The following IARS1 variants were observed in gnomAD, a reference collection of about 807,000 sequenced individuals.
IARS1 encodes isoleucine--tRNA ligase, cytoplasmic.
In IARS1, 124 loss-of-function variants were observed where a neutral mutation model predicts 168.2. That is an observed-to-expected ratio of 0.74 (90% CI 0.64 to 0.86). IARS1 has a LOEUF of 0.86. Ranked by LOEUF, IARS1 falls within the 40% of genes least tolerant of loss-of-function variation. IARS1 has a pLI of 0.00. For missense variants in IARS1, 1,452 were observed against 1,515.8 expected, an observed-to-expected ratio of 0.96 and a Z score of 0.70; for synonymous variants, 532 against 529.4, an observed-to-expected ratio of 1.00 and a Z score of -0.07.
intron 27 of IARS1, 77 bp downstream of exon 27, chr9:92,244,882 A>G: frequency 1.7e-6 from 2 of 1,165,192 alleles, no homozygotes; most frequent in Non-Finnish European, 2.5e-6. Context: ...CATTATCAGG[A>G]AAGGCACAGG....
At chr9:92,283,768 T>C (rs1835010440) in intron 6 of IARS1, among the ~76,000 whole-genome samples, 1 of 152,224 alleles carries the variant, frequency 6.6e-6, no homozygotes, top group African/African-American at 2.4e-5. Context: ...TGGTAGATCC[T>C]GATTTAAAAA....
At chr9:92,268,604 C>T (rs1329581954) in intron 13 of IARS1, among the ~76,000 whole-genome samples, 1 of 152,190 alleles carries the variant, frequency 6.6e-6, no homozygotes, top group East Asian at 1.9e-4. Flanking sequence ...CCAGCCTCAT[C>T]CCATACAACT....
At chr9:92,228,047 T>C (rs962009779) in intron 31 of IARS1, among the ~76,000 whole-genome samples, 15 of 152,102 alleles carry the variant, frequency 9.9e-5, no homozygotes, top group South Asian at 2.1e-4. Context: ...CTGGGCACCA[T>C]TGAGCACTGA....
intron 17 of IARS1, among the ~76,000 whole-genome samples, chr9:92,261,253 G>A (rs755926378): frequency 2.6e-5 from 4 of 151,958 alleles, no homozygotes; most frequent in Non-Finnish European, 5.9e-5. Context: ...AGGCTGCAGT[G>A]AGCCGAGATC....
chr9:92,245,967 G>A (rs990431284), intron 26 of IARS1, among the ~76,000 whole-genome samples: 4 of 151,820 alleles, frequency 2.6e-5, no homozygotes, highest in African/African-American at 4.8e-5. Context: ...TAGCAGAGAC[G>A]GGGTTTCACC....
At position 92,241,161 on chromosome 9, in the gene IARS1, A is replaced by G. The variant is rs569245699; in HGVS notation, c.3178-200T>C. 2.8e-4 allele frequency among the ~76,000 whole-genome samples: 42 copies of G among 152,334 alleles called. 1 individual carries two copies. The South Asian group carries it at 6.2e-3, about 23-fold the overall frequency. ...CTTCTTATCCTGGTTTCTTAAAAAT[A>G]TATGCTCACTTAAAAAAAGTCAAAT... is the stretch of plus-strand genomic sequence containing the variant. On this transcript the variant is annotated intron_variant, in intron 29 of 33. Transcript: ENST00000443024.
At position 92,224,890 on chromosome 9, in the gene IARS1, G is replaced by A. The variant is rs990036336; in HGVS notation, c.3410-1401C>T. Among the ~76,000 whole-genome samples the A allele has an allele frequency of 2.0e-4, 30 of 151,970 alleles. No individual in the cohort carries two copies. The East Asian group carries it at 5.0e-3, about 25-fold the overall frequency. On this transcript the variant is annotated intron_variant, in intron 31 of 33. Transcript: ENST00000443024. Reference sequence around the variant, plus strand: ...ATCAGTGGACATGTTCTATTCTGCCGCCAGCCACTCCTGCCCTTGCCCAAT... The same window carrying A: ...ATCAGTGGACATGTTCTATTCTGCCACCAGCCACTCCTGCCCTTGCCCAAT...
At chr9:92,217,341 C>A (rs1317231390) in intron 33 of IARS1, among the ~76,000 whole-genome samples, 2 of 143,060 alleles carry the variant, frequency 1.4e-5, no homozygotes, top group East Asian at 4.0e-4. Context: ...AAAATTGACA[C>A]CCTAACATCA....
At chr9:92,256,886 A>G in intron 19 of IARS1, 86 bp from the exon 20 acceptor site, 3 of 1,309,806 alleles carry the variant, frequency 2.3e-6, no homozygotes, top group Non-Finnish European at 3.1e-6. Context: ...ACTTAAACAA[A>G]AACAAAAAGA....
chr9:92,255,667 A>C (rs1460660818), intron 20 of IARS1, among the ~76,000 whole-genome samples: 1 of 152,234 alleles, frequency 6.6e-6, no homozygotes, highest in African/African-American at 2.4e-5. Flanking sequence ...TAAATGCATT[A>C]ATAACAAGTA....
At chr9:92,231,887 G>A (rs1046967079) in intron 30 of IARS1, among the ~76,000 whole-genome samples, 2 of 151,908 alleles carry the variant, frequency 1.3e-5, no homozygotes, top group Non-Finnish European at 2.9e-5. Context: ...ATGTGACTTG[G>A]GTAAGAATAT....
Position 92,289,340 on chromosome 9 carries a change from CAATT to C in IARS1, c.76_79del (p.Asn26ValfsTer6). 2.5e-6 allele frequency: 4 copies of C among 1,579,014 alleles called. No individual in the cohort carries two copies. The highest frequency in any genetic ancestry group is 3.5e-6 in the Non-Finnish European group (4 of 1,151,984). On this transcript the variant is annotated frameshift_variant, in exon 2 of 34. Transcript: ENST00000443024. LOFTEE classifies it high-confidence loss of function. ...TGATTGCTTTAAGCATTCCTGAAAA[CAATT>C]AAATTCAGTCCAAAACTCCAAGATT...
chr9:92,239,409 AT>A (rs1235857435), intron 30 of IARS1, among the ~76,000 whole-genome samples: 17 of 152,240 alleles, frequency 1.1e-4, no homozygotes, highest in African/African-American at 3.9e-4. Context: ...GAAAAATCCA[AT>A]ATCATTTGTT....
In IARS1 at chr9:92,245,074, A is replaced by C; in HGVS notation, c.2792-3T>G. On this transcript the variant is annotated splice_region_variant and splice_polypyrimidine_tract_variant and intron_variant, in intron 26 of 33. Coordinates refer to ENST00000443024, the MANE Select transcript of IARS1 (RefSeq NM_002161.6). Reference sequence around the variant, plus strand: ...ATGGCCTTCCACAACAATGGTCCCTATGGAGAAGCAGCTACACTGTTAATC... The same window carrying C: ...ATGGCCTTCCACAACAATGGTCCCTCTGGAGAAGCAGCTACACTGTTAATC... The C allele has an allele frequency of 6.2e-7, 1 of 1,612,756 alleles. No homozygotes were observed. Among genetic ancestry groups the C allele is most frequent in the Non-Finnish European group, 8.5e-7 (1 of 1,178,746 alleles).
chr9:92,253,770 G>T, intron 20 of IARS1: 1 of 507,802 alleles, frequency 2.0e-6, no homozygotes, highest in East Asian at 5.3e-5. Context: ...CACAACTGTA[G>T]GAAGTGCCAT....
chr9:92,285,347 CAAAT>C (rs979665360), intron 6 of IARS1, among the ~76,000 whole-genome samples: 11 of 152,206 alleles, frequency 7.2e-5, no homozygotes, highest in African/African-American at 2.4e-4. Flanking sequence ...ATACCGTTAA[CAAAT>C]AAATGATATC....
intron 33 of IARS1, among the ~76,000 whole-genome samples, chr9:92,215,701 G>A (rs1174837258): frequency 6.6e-6 from 1 of 151,992 alleles, no homozygotes; most frequent in Admixed American, 6.6e-5. Flanking sequence ...ATGAAATGAA[G>A]CGAGAAGGGA....
chr9:92,263,854 C>A (rs568694624), intron 16 of IARS1, among the ~76,000 whole-genome samples: 1 of 152,166 alleles, frequency 6.6e-6, no homozygotes, highest in African/African-American at 2.4e-5. Flanking sequence ...AAGGCATCTA[C>A]CCCTTTCTAA....
intron 2 of IARS1, 47 bp from the exon 3 acceptor site, chr9:92,288,329 T>C: frequency 6.4e-7 from 1 of 1,558,010 alleles, no homozygotes; most frequent in Non-Finnish European, 8.8e-7. Flanking sequence ...ACAGCCAAAA[T>C]TTAAGGCATT....
Sources: allele counts gnomAD v4.1 joint callset (sites outside exome capture counted in the v4.1 genomes callset), GRCh38; gene constraint gnomAD v4.1.1; transcripts MANE v1.5; gene names NCBI Gene and HGNC (gene_info 2026-07-23, HGNC 2026-07-21).